The following DAAM2 variants were observed in gnomAD, a reference collection of about 807,000 sequenced individuals.
DAAM2 encodes dishevelled associated activator of morphogenesis 2.
DAAM2 carries 39 observed loss-of-function variants against 120.7 expected under a neutral mutation model. The observed-to-expected ratio is 0.32, with a 90% CI of 0.25 to 0.42. DAAM2 has a LOEUF of 0.42. Ranked by LOEUF, DAAM2 falls within the 10% of genes least tolerant of loss-of-function variation. The pLI, the probability that DAAM2 is intolerant of heterozygous loss-of-function variation, is 1.00. For synonymous variants in DAAM2, 488 were observed against 524.9 expected, an observed-to-expected ratio of 0.93 and a Z score of 0.96; for missense variants, 1,283 against 1,401.7, an observed-to-expected ratio of 0.92 and a Z score of 1.35.
At chr6:39,833,522 G>A (rs1172577063) in intron 1 of DAAM2, among the ~76,000 whole-genome samples, 1 of 152,086 alleles carries the variant, frequency 6.6e-6, no homozygotes, top group African/African-American at 2.4e-5. Context: ...TGGCCAGGCT[G>A]GTCTCGAACT....
At chr6:39,845,120 C>G (rs370110621) in intron 1 of DAAM2, among the ~76,000 whole-genome samples, 1 of 110,072 alleles carries the variant, frequency 9.1e-6, no homozygotes, top group Admixed American at 9.8e-5. Context: ...CCACATGTAC[C>G]CAAACCCCAT....
intron 1 of DAAM2, among the ~76,000 whole-genome samples, chr6:39,815,986 C>A (rs1269619176): frequency 6.6e-6 from 1 of 152,196 alleles, no homozygotes; most frequent in Non-Finnish European, 1.5e-5. Flanking sequence ...AAGAATGGAC[C>A]TTCTACCCTG....
chr6:39,805,674 C>T lies in DAAM2; in HGVS notation c.-57+13209C>T, dbSNP rs372245027. 7.8e-4 allele frequency among the ~76,000 whole-genome samples: 119 copies of T among 151,938 alleles called. 3 individuals carry two copies. In the South Asian group the frequency reaches 0.023, roughly 29 times the overall value. ...GGTTCAAGTGATTTCCCTGCCTCAG[C>T]CTCTGGAGTAGCTGGGACTACAGGC... On this transcript the variant is annotated intron_variant, in intron 1 of 24. Transcript: ENST00000274867.
chr6:39,865,531 G>T (rs1312623329), intron 5 of DAAM2, among the ~76,000 whole-genome samples: 4 of 152,146 alleles, frequency 2.6e-5, no homozygotes, highest in Non-Finnish European at 5.9e-5. Flanking sequence ...TTGCCATCTA[G>T]AATGGGAGCA....
intron 1 of DAAM2, among the ~76,000 whole-genome samples, chr6:39,816,881 C>T (rs1339475058): frequency 6.6e-6 from 1 of 152,250 alleles, no homozygotes; most frequent in Non-Finnish European, 1.5e-5. Context: ...CGGGAAACCT[C>T]ACAGGAACTA....
intron 22 of DAAM2, 170 bp from the exon 23 acceptor site, chr6:39,899,907 C>A: frequency 1.5e-6 from 1 of 677,306 alleles, no homozygotes; most frequent in Non-Finnish European, 2.3e-6. Flanking sequence ...GGTGGGCTGG[C>A]TGCTAATGTT....
At chr6:39,866,864 G>A (rs961510871) in intron 5 of DAAM2, among the ~76,000 whole-genome samples, 22 of 152,280 alleles carry the variant, frequency 1.4e-4, no homozygotes, top group Admixed American at 1.2e-3. Context: ...GTCATTTATT[G>A]CTGACATTCA....
At position 39,799,549 on chromosome 6, in the gene DAAM2, G is replaced by T. The variant is rs1398956869; in HGVS notation, c.-57+7084G>T. On this transcript the variant is annotated intron_variant, in intron 1 of 24. Transcript: ENST00000274867. ...TTCTATTCTGATGGTGAAGGGGAGGGCACAGAAAACTCTTCACCTTGAGTT... is the reference window on the plus strand; with the variant it reads ...TTCTATTCTGATGGTGAAGGGGAGGTCACAGAAAACTCTTCACCTTGAGTT... Among the ~76,000 whole-genome samples the T allele has an allele frequency of 2.6e-5, 4 of 152,066 alleles. No homozygotes were observed. The East Asian group carries it at 5.8e-4, about 22-fold the overall frequency.
chr6:39,901,760 GGCCTCAGC>G lies in DAAM2; in HGVS notation c.2983-47_2983-40del. On this transcript the variant is annotated intron_variant, in intron 24 of 24. Transcript: ENST00000274867. The surrounding 1 kb of genome is among the most constrained non-coding windows in gnomAD (Gnocchi z 4.5). ...TAGCCCAGGGTTGGGGGGCTGCCCT[GGCCTCAGC>G]GCCTCTCCCTGAGAGGGTTCCTATC... 1 of 1,447,012 alleles carries G rather than the reference GGCCTCAGC, an allele frequency of 6.9e-7. No individual in the cohort carries two copies. Among genetic ancestry groups the G allele is most frequent in the Non-Finnish European group, 9.1e-7 (1 of 1,094,986 alleles). 89.6% of individuals were successfully genotyped at this position (1,447,012 alleles called of 1,614,324 possible).
At chr6:39,822,361 G>A (rs532219290) in intron 1 of DAAM2, 1 of 152,324 alleles carries the variant, frequency 6.6e-6, no homozygotes, top group South Asian at 2.1e-4. Context: ...TTCCAAATCA[G>A]AGACACTTTC....
intron 11 of DAAM2, among the ~76,000 whole-genome samples, chr6:39,877,665 T>C (rs1237337347): frequency 6.6e-6 from 1 of 152,168 alleles, no homozygotes; most frequent in African/African-American, 2.4e-5. Flanking sequence ...AAAGCTAAAT[T>C]TGAACACAGT....
intron 1 of DAAM2, among the ~76,000 whole-genome samples, chr6:39,814,417 G>A (rs1485233827): frequency 6.6e-6 from 1 of 152,124 alleles, no homozygotes. Flanking sequence ...GGTTTCCCTG[G>A]CCACAGATGG....
At chr6:39,897,123 C>A in intron 20 of DAAM2, 52 bp from the exon 21 acceptor site, 1 of 1,542,850 alleles carries the variant, frequency 6.5e-7, no homozygotes. Flanking sequence ...CCCTCTGACC[C>A]TCGTGCCCAG....
intron 1 of DAAM2, among the ~76,000 whole-genome samples, chr6:39,831,784 G>A (rs1762905496): frequency 9.5e-6 from 1 of 105,728 alleles, no homozygotes. Flanking sequence ...GTACTGAGGG[G>A]GCAGGTGCAC....
At chr6:39,892,154 G>T (rs546176591) in intron 19 of DAAM2, among the ~76,000 whole-genome samples, 45 of 152,302 alleles carry the variant, frequency 3.0e-4, no homozygotes, top group African/African-American at 1.1e-3. Flanking sequence ...GTAGGAAATT[G>T]CACAAGCTGA....
In DAAM2 at chr6:39,902,038, C is replaced by T. The variant is rs1162611384; in HGVS notation, c.*1C>T. The T allele has an allele frequency of 1.3e-6, 2 of 1,597,718 alleles. No homozygotes were observed. The highest frequency in any genetic ancestry group is 1.7e-6 in the Non-Finnish European group (2 of 1,169,170). On this transcript the variant is annotated 3_prime_UTR_variant, in exon 25 of 25. Coordinates refer to ENST00000274867, the MANE Select transcript of DAAM2 (RefSeq NM_001201427.2). Reference sequence around the variant, plus strand: ...GGCAATAAACCGGCTAAATTATTGACCTGGGGAACTAGCCACACAGGAGGC... The same window carrying T: ...GGCAATAAACCGGCTAAATTATTGATCTGGGGAACTAGCCACACAGGAGGC...
chr6:39,855,216 T>C (rs1413243305), intron 1 of DAAM2, among the ~76,000 whole-genome samples: 1 of 152,072 alleles, frequency 6.6e-6, no homozygotes, highest in Non-Finnish European at 1.5e-5. Flanking sequence ...GAACGAGTGG[T>C]TGAGGATGAT....
At position 39,879,305 on chromosome 6, in the gene DAAM2, C is replaced by A; in HGVS notation, c.1673C>A (p.Pro558Gln). Residue 558 changes from proline to glutamine, a missense_variant, in exon 14 of 25, where the codon CCA becomes CAA. Physicochemically the swap from Pro to Gln is moderately conservative, Grantham distance 76. This residue lies in a region of DAAM2 where 748 missense variants were observed against 768.6 expected (regional missense o/e 0.97). Transcript: ENST00000274867. ...GCCTGTTGTCCCCCTCCCCCACCAC[C>A]ACCCCTTCCTCCCGGGGGACCCCCG... is the stretch of plus-strand genomic sequence containing the variant. ...PFACCPPPPP[P>Q]PLPPGGPPTP... 1 of 1,537,576 alleles carries A rather than the reference C, an allele frequency of 6.5e-7. No homozygotes were observed. Among genetic ancestry groups the A allele is most frequent in the Non-Finnish European group, 8.9e-7 (1 of 1,123,218 alleles).
chr6:39,862,157 G>C (rs551376030), intron 3 of DAAM2: 1 of 152,306 alleles, frequency 6.6e-6, no homozygotes, highest in South Asian at 2.1e-4. Flanking sequence ...AGCCCACCCA[G>C]TCCGTTATGG....
Sources: gnomAD v4.1 joint callset for allele counts (sites outside exome capture counted in the v4.1 genomes callset) on GRCh38, gnomAD v4.1.1 for gene constraint, gnomAD v4.1.1 regional missense constraint, Gnocchi (gnomAD v3.1) non-coding constraint, MANE v1.5 for transcripts, NCBI Gene and HGNC (gene_info 2026-07-23, HGNC 2026-07-21) for gene names.